Variants in ATL3 observed in about 807,000 individuals in gnomAD.
The protein encoded by ATL3 is atlastin-3.
ATL3 carries 49 observed loss-of-function variants against 69.5 expected under a neutral mutation model. The observed-to-expected ratio is 0.71, with a 90% CI of 0.56 to 0.89. The LOEUF is 0.89. Among genes scored for constraint, ATL3 ranks in the 40% least tolerant of loss-of-function variants. ATL3 has a pLI of 0.00. For missense variants in ATL3, 606 were observed against 645.7 expected, an observed-to-expected ratio of 0.94 and a Z score of 0.67; for synonymous variants, 214 against 224.1, an observed-to-expected ratio of 0.95 and a Z score of 0.40.
intron 8 of ATL3, among the ~76,000 whole-genome samples, chr11:63,638,872 T>C (rs1323655866): frequency 2.6e-5 from 4 of 152,216 alleles, no homozygotes; most frequent in African/African-American, 9.6e-5. Context: ...ATAAAACCAC[T>C]AAAATAATTC....
chr11:63,633,036 T>A lies in ATL3; in HGVS notation c.1097A>T (p.Asn366Ile). Reference protein sequence around the residue: ...AASAKDIYYNNMEEVCGGEKP... With the variant: ...AASAKDIYYNIMEEVCGGEKP... ...GTATGTCCCACGTACCTCTTCCATG[T>A]TGTTATAATAAATGTCCTTGGCAGA... The change falls in exon 11 of 13, where the codon AAC (asparagine) becomes ATC (isoleucine). Residue 366 changes from asparagine to isoleucine, a missense_variant. Asn to Ile is a moderately radical substitution (Grantham distance 149). Coordinates refer to ENST00000398868, the MANE Select transcript of ATL3 (RefSeq NM_015459.5). 6.2e-7 allele frequency: 1 copy of A among 1,614,082 alleles called. No homozygotes were observed. The highest frequency in any genetic ancestry group is 1.1e-5 in the South Asian group (1 of 91,078).
Position 63,626,012 on chromosome 11 carries a change from G to A in ATL3, c.*3307C>T, listed in dbSNP as rs1188766564. ...AAAAAAGGAATAAAGCGAAACACAG[G>A]CAATTTTACCAAGTATAAAAGAGGT... On this transcript the variant is annotated 3_prime_UTR_variant, in exon 13 of 13. Coordinates refer to ENST00000398868, the MANE Select transcript of ATL3 (RefSeq NM_015459.5). 6.6e-6 allele frequency: 1 copy of A among 151,870 alleles called. No homozygotes were observed. The highest frequency in any genetic ancestry group is 1.5e-5 in the Non-Finnish European group (1 of 68,002). 9.4% of individuals were successfully genotyped at this position (151,870 alleles called of 1,614,324 possible).
intron 2 of ATL3, 43 bp downstream of exon 2, chr11:63,658,995 T>C: frequency 6.2e-7 from 1 of 1,607,008 alleles, no homozygotes. Flanking sequence ...TTTTGGACAT[T>C]AAAGTCTCAC....
At chr11:63,645,556 G>GAGAC in intron 6 of ATL3, among the ~76,000 whole-genome samples, 1 of 151,732 alleles carries the variant, frequency 6.6e-6, no homozygotes, top group East Asian at 1.9e-4. Flanking sequence ...GAGAGAGAGA[G>GAGAC]AGAGAGACAG....
At chr11:63,646,831 C>G (rs1939897446) in intron 5 of ATL3, among the ~76,000 whole-genome samples, 1 of 152,166 alleles carries the variant, frequency 6.6e-6, no homozygotes, top group East Asian at 1.9e-4. Context: ...CAGCCCATGC[C>G]TCCCTATGGG....
intron 1 of ATL3, among the ~76,000 whole-genome samples, chr11:63,662,574 G>A (rs559569602): frequency 6.6e-6 from 1 of 152,232 alleles, no homozygotes; most frequent in Non-Finnish European, 1.5e-5. Flanking sequence ...CTGCCTCTCC[G>A]GCCCAAGTCA....
At chr11:63,659,756 G>A (rs1021766410) in intron 1 of ATL3, among the ~76,000 whole-genome samples, 2 of 151,936 alleles carry the variant, frequency 1.3e-5, no homozygotes, top group Admixed American at 6.6e-5. Flanking sequence ...CCAACATGAC[G>A]AAACCCCATC....
intron 5 of ATL3, among the ~76,000 whole-genome samples, chr11:63,646,829 G>C (rs1014506980): frequency 6.6e-5 from 10 of 152,044 alleles, no homozygotes; most frequent in African/African-American, 2.4e-4. Flanking sequence ...CTCAGCCCAT[G>C]CCTCCCTATG....
At position 63,629,393 on chromosome 11, in the gene ATL3, T is replaced by C. The variant is rs376073313; in HGVS notation, c.1552A>G (p.Ile518Val). 3.7e-5 allele frequency: 59 copies of C among 1,613,974 alleles called. No homozygotes were observed. The African/African-American group carries it at 7.6e-4, about 21-fold the overall frequency. ...AYVLEQASSH[I>V]GNSTQATVRD... is the part of the protein sequence containing the mutation. ...ACAGTGGCCTGAGTGGAATTACCGA[T>C]ATGAGAAGAAGCCTGCAAAAGTCCA... The change falls in exon 13 of 13, where the codon ATC becomes GTC. Residue 518 changes from isoleucine to valine, a missense_variant. By Grantham distance (29) the Ile-to-Val change is conservative (BLOSUM62 3). Coordinates refer to ENST00000398868, the MANE Select transcript of ATL3 (RefSeq NM_015459.5).
chr11:63,662,212 CAAAAAAAAAA>C (rs1228390912), intron 1 of ATL3, among the ~76,000 whole-genome samples: 1 of 84,752 alleles, frequency 1.2e-5, no homozygotes, highest in African/African-American at 4.4e-5. Context: ...GACTCTATCT[CAAAAAAAAAA>C]AAAAAAAGAA....
chr11:63,632,048 T>C (rs1939338619), intron 11 of ATL3, among the ~76,000 whole-genome samples: 1 of 152,162 alleles, frequency 6.6e-6, no homozygotes, highest in Non-Finnish European at 1.5e-5. Context: ...TGTGTCCTGG[T>C]TGAGGGTCCT....
Position 63,642,230 on chromosome 11 carries a change from G to A in ATL3, c.850+1127C>T, listed in dbSNP as rs188217881. On this transcript the variant is annotated intron_variant, in intron 8 of 12. Coordinates refer to ENST00000398868, the MANE Select transcript of ATL3 (RefSeq NM_015459.5). Reference sequence around the variant, plus strand: ...TAGATTTTTCAATTGCCATGAAACAGGCCAGGGAAGTCTCCTCCTCAGGAA... The same window carrying A: ...TAGATTTTTCAATTGCCATGAAACAAGCCAGGGAAGTCTCCTCCTCAGGAA... Among the ~76,000 whole-genome samples the A allele has an allele frequency of 2.1e-4, 32 of 152,208 alleles. No homozygotes were observed. In the East Asian group the frequency reaches 6.0e-3, roughly 28 times the overall value.
In ATL3 at chr11:63,627,329, G is replaced by C. The variant is rs1029100489; in HGVS notation, c.*1990C>G. On this transcript the variant is annotated 3_prime_UTR_variant, in exon 13 of 13. Transcript: ENST00000398868. ...AGCTTGGTTGGCATCACTGATAAAT[G>C]CAAGTAAACAAGCTGGAATTTTTCT... 2 of 152,142 alleles carry C rather than the reference G, an allele frequency of 1.3e-5. No homozygotes were observed. The highest frequency in any genetic ancestry group is 4.8e-5 in the African/African-American group (2 of 41,442). The allele number at this position is 152,142 out of a possible 1,614,324, so 9.4% of individuals were successfully genotyped here.
chr11:63,632,180 G>A (rs1414575664), intron 11 of ATL3: 2 of 514,538 alleles, frequency 3.9e-6, no homozygotes, highest in Non-Finnish European at 7.4e-6. Context: ...ATGAATTATA[G>A]AACAGATCTA....
chr11:63,644,178 C>T lies in ATL3; in HGVS notation c.702G>A (p.Lys234=). The T allele has an allele frequency of 6.2e-7, 1 of 1,605,558 alleles. No individual in the cohort carries two copies. The highest frequency in any genetic ancestry group is 1.1e-5 in the South Asian group (1 of 89,946). The change falls in exon 7 of 13, where the codon AAG becomes AAA. Residue 234 remains lysine, a synonymous_variant. Transcript: ENST00000398868. ...TTATAGTCCCACTTACCTGTAAACG[C>T]TTATCCAAAAATGCCATTCCTCCTT... The part of the protein sequence containing the change: ...GLQGGMAFLD[K]RLQVKEHQHE...
chr11:63,657,307 A>G (rs1444280871), intron 3 of ATL3, among the ~76,000 whole-genome samples: 2 of 152,114 alleles, frequency 1.3e-5, no homozygotes, highest in African/African-American at 2.4e-5. Flanking sequence ...TAAGAAACAC[A>G]TGACTTACCC....
Position 63,643,397 on chromosome 11 carries a change from G to C in ATL3, c.810C>G (p.Leu270=), listed in dbSNP as rs1939761456. The change falls in exon 8 of 13, where the codon CTC becomes CTG. Residue 270 remains leucine (L), a synonymous_variant. Transcript: ENST00000398868. ...CAAAGTCAGGGCTTGTGGCCACCTG[G>C]AGTCCTGGATGTGGTAAGAGAAAGC... is the stretch of plus-strand genomic sequence containing the variant. ...VTCFLLPHPG[L]QVATSPDFDG... is the part of the protein sequence containing the mutation. 1 of 1,610,224 alleles carries C rather than the reference G, an allele frequency of 6.2e-7. No individual in the cohort carries two copies.
At chr11:63,671,378 A>G (rs984991529), upstream of ATL3, 24 of 1,552,364 alleles carry the variant, frequency 1.5e-5, no homozygotes, top group African/African-American at 2.9e-4. Context: ...GGTGCAGAGG[A>G]GAGGGACGGG....
chr11:63,671,251 G>A (rs1371171198), intron 1 of ATL3, 39 bp downstream of exon 1: 8 of 1,553,024 alleles, frequency 5.2e-6, no homozygotes, highest in Non-Finnish European at 6.9e-6. Flanking sequence ...AGGCGGCGGG[G>A]GTGGCCGCGG....
Sources: allele counts gnomAD v4.1 joint callset (sites outside exome capture counted in the v4.1 genomes callset), GRCh38; gene constraint gnomAD v4.1.1; transcripts MANE v1.5; gene names NCBI Gene and HGNC (gene_info 2026-07-23, HGNC 2026-07-21).